The following MAF variants were observed in gnomAD, a reference collection of about 807,000 sequenced individuals.
The protein encoded by MAF is transcription factor Maf.
A neutral mutation model predicts 22.0 loss-of-function variants in MAF; 10 were observed. The ratio of observed to expected loss-of-function variants is 0.45; its 90% confidence interval spans 0.28 to 0.77. The LOEUF (loss-of-function observed/expected upper bound fraction) is 0.77, where lower values mean the gene tolerates loss of function less well. MAF is among the 30% of genes least tolerant of loss of function. The probability of loss-of-function intolerance (pLI) is 0.12; values close to 1 mark genes in which losing one functional copy is unlikely to be tolerated. For synonymous variants in MAF, 337 were observed against 255.8 expected (o/e 1.32, Z -3.03); for missense variants, 544 against 548.4 (o/e 0.99, Z 0.08).
chr16:79,588,650 C>A (rs1382188527), intron 1 of MAF, among the ~76,000 whole-genome samples: 1 of 151,846 alleles, frequency 6.6e-6, no homozygotes, highest in Non-Finnish European at 1.5e-5. Flanking sequence ...TTAGTAGAGA[C>A]CGGGTTTCAC....
At chr16:79,283,217 G>A in the MAF span, among the ~76,000 whole-genome samples, 2 of 152,170 alleles carry the variant, frequency 1.3e-5, no homozygotes, top group Admixed American at 1.3e-4. Context: ...TGAATGGATA[G>A]GGTTTGTGTA....
the MAF span, among the ~76,000 whole-genome samples, chr16:79,307,888 G>A: frequency 6.6e-6 from 1 of 152,114 alleles, no homozygotes; most frequent in Non-Finnish European, 1.5e-5. Context: ...ATCCCAACAG[G>A]CCCCAGGAAG....
At chr16:79,299,588 C>T in the MAF span, among the ~76,000 whole-genome samples, 5 of 151,984 alleles carry the variant, frequency 3.3e-5, no homozygotes, top group Non-Finnish European at 1.5e-5. Context: ...CCCCACCCCT[C>T]AACAAATTTT....
the MAF span, among the ~76,000 whole-genome samples, chr16:79,338,101 T>A: frequency 6.6e-6 from 1 of 152,270 alleles, no homozygotes; most frequent in East Asian, 1.9e-4. Flanking sequence ...TACACGCAAG[T>A]CAGCAATTCT....
At chr16:79,372,873 AC>A in the MAF span, among the ~76,000 whole-genome samples, 1 of 151,980 alleles carries the variant, frequency 6.6e-6, no homozygotes, top group Non-Finnish European at 1.5e-5. Context: ...TTTCTCACCC[AC>A]TGCAGGACCT....
At chr16:79,385,519 A>G in the MAF span, among the ~76,000 whole-genome samples, 1 of 152,250 alleles carries the variant, frequency 6.6e-6, no homozygotes, top group Admixed American at 6.5e-5. Flanking sequence ...TAACGTACGC[A>G]AGCATGCGTC....
At chr16:79,352,834 C>T in the MAF span, among the ~76,000 whole-genome samples, 2 of 152,178 alleles carry the variant, frequency 1.3e-5, no homozygotes, top group Non-Finnish European at 2.9e-5. Flanking sequence ...TTACCAAAAA[C>T]GTCCCTAGAC....
the MAF span, among the ~76,000 whole-genome samples, chr16:79,478,293 A>T: frequency 6.6e-6 from 1 of 152,192 alleles, no homozygotes; most frequent in Non-Finnish European, 1.5e-5. Context: ...TTACAGGGCT[A>T]CAAAGAAAGT....
chr16:79,304,696 C>T, the MAF span, among the ~76,000 whole-genome samples: 13 of 152,270 alleles, frequency 8.5e-5, no homozygotes, highest in African/African-American at 1.2e-4. Flanking sequence ...AAAACACACT[C>T]GCTTCCTAAT....
chr16:79,545,474 T>C, the MAF span, among the ~76,000 whole-genome samples: 338 of 151,638 alleles, frequency 2.2e-3, 1 homozygote, highest in African/African-American at 7.4e-3. Context: ...ACACATTGCA[T>C]GCCTATGAAG....
chr16:79,336,195 A>C, the MAF span, among the ~76,000 whole-genome samples: 1 of 152,262 alleles, frequency 6.6e-6, no homozygotes, highest in Non-Finnish European at 1.5e-5. Flanking sequence ...TGAGAATCGT[A>C]GTAATGAATA....
At chr16:79,340,153 A>C in the MAF span, among the ~76,000 whole-genome samples, 2 of 152,130 alleles carry the variant, frequency 1.3e-5, no homozygotes, top group East Asian at 3.9e-4. Flanking sequence ...TCAGGGACGG[A>C]GGAGGAGGTG....
chr16:79,390,712 T>G, the MAF span, among the ~76,000 whole-genome samples: 1 of 152,126 alleles, frequency 6.6e-6, no homozygotes. Context: ...GAAACTAAAC[T>G]TAGAAACGAC....
At chr16:79,392,553 G>A in the MAF span, among the ~76,000 whole-genome samples, 20 of 152,102 alleles carry the variant, frequency 1.3e-4, no homozygotes, top group South Asian at 3.1e-3. Flanking sequence ...AGATGAACAC[G>A]GGTGGAACCA....
chr16:79,468,468 G>C, the MAF span, among the ~76,000 whole-genome samples: 1 of 152,326 alleles, frequency 6.6e-6, no homozygotes, highest in African/African-American at 2.4e-5. Context: ...TGGGAGACCT[G>C]CTCTTGTTTG....
At chr16:79,295,537 G>C in the MAF span, among the ~76,000 whole-genome samples, 1 of 152,230 alleles carries the variant, frequency 6.6e-6, no homozygotes, top group East Asian at 1.9e-4. Context: ...GCTACTGTCT[G>C]TTTACACCTC....
At chr16:79,556,803 C>T in the MAF span, among the ~76,000 whole-genome samples, 2 of 152,094 alleles carry the variant, frequency 1.3e-5, no homozygotes, top group African/African-American at 4.8e-5. Context: ...ATTTACACAT[C>T]TGAACAATGA....
chr16:79,420,039 T>C, the MAF span, among the ~76,000 whole-genome samples: 26 of 152,072 alleles, frequency 1.7e-4, no homozygotes, highest in African/African-American at 6.0e-4. Flanking sequence ...ATTTGACAAT[T>C]CTCCTGCATC....
chr16:79,545,802 G>A, the MAF span, among the ~76,000 whole-genome samples: 201 of 152,134 alleles, frequency 1.3e-3, no homozygotes, highest in African/African-American at 4.4e-3. Context: ...TTAGAGAGGA[G>A]GAATAAGTCC....
Sources: allele counts gnomAD v4.1 joint callset (sites outside exome capture counted in the v4.1 genomes callset), GRCh38; gene constraint gnomAD v4.1.1; transcripts MANE v1.5; gene names NCBI Gene and HGNC (gene_info 2026-07-23, HGNC 2026-07-21).